Variants in TRPM3 observed in about 807,000 individuals in gnomAD.
The protein encoded by TRPM3 is long transient receptor potential channel 3.
A neutral mutation model predicts 181.2 loss-of-function variants in TRPM3; 77 were observed. The ratio of observed to expected loss-of-function variants is 0.42; its 90% confidence interval spans 0.35 to 0.51. The LOEUF (loss-of-function observed/expected upper bound fraction) is 0.51. TRPM3 is among the 20% of genes least tolerant of loss of function. TRPM3 has a pLI of 0.01. For synonymous variants in TRPM3, 745 were observed against 796.4 expected (o/e 0.94, Z 1.09); for missense variants, 1,759 against 2,196.7 (o/e 0.80, Z 3.98).
chr9:71,139,010 C>T (rs183311467), intron 1 of TRPM3, among the ~76,000 whole-genome samples: 2 of 152,260 alleles, frequency 1.3e-5, no homozygotes, highest in East Asian at 1.9e-4. Flanking sequence ...GGTAGCATAA[C>T]TTACTTGTCT....
At chr9:71,195,967 AG>A (rs1442637399) in intron 1 of TRPM3, among the ~76,000 whole-genome samples, 1 of 151,642 alleles carries the variant, frequency 6.6e-6, no homozygotes, top group Non-Finnish European at 1.5e-5. Context: ...GAGGATGGAG[AG>A]GAGCCACCCT....
At chr9:71,242,977 T>A (rs1421691002) in intron 1 of TRPM3, among the ~76,000 whole-genome samples, 2 of 152,198 alleles carry the variant, frequency 1.3e-5, no homozygotes, top group Non-Finnish European at 2.9e-5. Flanking sequence ...TTGAAATCAC[T>A]GTCCCCAGTG....
In TRPM3 at chr9:71,164,386, T is replaced by C. The variant is rs866425639; in HGVS notation, c.183+282267A>G. Among the ~76,000 whole-genome samples the C allele has an allele frequency of 1.2e-4, 18 of 152,204 alleles. 1 individual carries two copies. The Middle Eastern group carries it at 0.01, about 86-fold the overall frequency. On this transcript the variant is annotated intron_variant, in intron 1 of 24. Coordinates refer to the TRPM3 transcript ENST00000357533. ...CAATGGCAGTGTCACAAGAGTTGAG[T>C]TTACCCCAGATAGTCACTGTTAGAG... is the stretch of plus-strand genomic sequence containing the variant.
chr9:70,548,843 T>G (rs928150743), intron 25 of TRPM3, among the ~76,000 whole-genome samples: 8 of 49,440 alleles, frequency 1.6e-4, no homozygotes, highest in Admixed American at 5.7e-4. Context: ...TTTGAAGATC[T>G]TGTGCTCTCT....
chr9:71,070,486 G>T (rs1366569754), intron 1 of TRPM3, among the ~76,000 whole-genome samples: 2 of 151,852 alleles, frequency 1.3e-5, no homozygotes, highest in Non-Finnish European at 2.9e-5. Flanking sequence ...AATTCTCTTG[G>T]GCCAGATTTC....
intron 1 of TRPM3, among the ~76,000 whole-genome samples, chr9:71,219,516 C>T (rs2080103217): frequency 6.6e-6 from 1 of 152,094 alleles, no homozygotes; most frequent in Non-Finnish European, 1.5e-5. Context: ...TAAAATTGTC[C>T]TGAACTCAGA....
chr9:70,632,180 T>C (rs560950901), intron 12 of TRPM3, among the ~76,000 whole-genome samples: 2 of 152,326 alleles, frequency 1.3e-5, no homozygotes, highest in South Asian at 4.1e-4. Flanking sequence ...GCATTTTAAC[T>C]CTAGTTTTGT....
At chr9:70,932,398 C>A (rs994888804) in intron 1 of TRPM3, among the ~76,000 whole-genome samples, 1 of 152,186 alleles carries the variant, frequency 6.6e-6, no homozygotes, top group East Asian at 1.9e-4. Flanking sequence ...CTGTACTACT[C>A]ACTGGGAATA....
chr9:70,812,746 T>C (rs2092248474), intron 6 of TRPM3, among the ~76,000 whole-genome samples: 1 of 152,214 alleles, frequency 6.6e-6, no homozygotes, highest in Non-Finnish European at 1.5e-5. Flanking sequence ...GTGAATGGCA[T>C]GCTGGTATTT....
chr9:70,998,984 A>C (rs1265675441), intron 1 of TRPM3, among the ~76,000 whole-genome samples: 1 of 152,146 alleles, frequency 6.6e-6, no homozygotes, highest in Non-Finnish European at 1.5e-5. Context: ...CAGACTTACC[A>C]AGCATGGTTC....
chr9:70,620,453 G>T, intron 15 of TRPM3, 88 bp from the exon 16 acceptor site: 2 of 1,404,896 alleles, frequency 1.4e-6, no homozygotes, highest in Non-Finnish European at 2.0e-6. Flanking sequence ...CTCCCAGCTA[G>T]CTCTGGGATC....
intron 1 of TRPM3, among the ~76,000 whole-genome samples, chr9:71,057,045 G>C: frequency 6.6e-6 from 1 of 152,014 alleles, no homozygotes; most frequent in Non-Finnish European, 1.5e-5. Flanking sequence ...TAGGGAAAGA[G>C]GATAAAAGAT....
intron 1 of TRPM3, among the ~76,000 whole-genome samples, chr9:71,040,726 A>T (rs998712565): frequency 1.3e-5 from 2 of 152,190 alleles, no homozygotes; most frequent in African/African-American, 4.8e-5. Flanking sequence ...ATGAAAACTG[A>T]CATCAGCAGG....
chr9:70,739,774 T>G (rs143718568), intron 8 of TRPM3, among the ~76,000 whole-genome samples: 1 of 152,020 alleles, frequency 6.6e-6, no homozygotes, highest in African/African-American at 2.4e-5. Context: ...CCTGCCACCA[T>G]GTCTGGTAAA....
chr9:70,779,171 C>T (rs1377901375), intron 7 of TRPM3, among the ~76,000 whole-genome samples: 1 of 152,134 alleles, frequency 6.6e-6, no homozygotes, highest in East Asian at 1.9e-4. Context: ...AGCCATTGCT[C>T]ATTTATTCTT....
chr9:70,539,389 C>A (rs1408646801), intron 25 of TRPM3, among the ~76,000 whole-genome samples: 1 of 152,068 alleles, frequency 6.6e-6, no homozygotes, highest in African/African-American at 2.4e-5. Context: ...CTCTCAGGAC[C>A]CCCCACCCCG....
chr9:70,908,575 G>A (rs2096497958), intron 1 of TRPM3, among the ~76,000 whole-genome samples: 1 of 152,198 alleles, frequency 6.6e-6, no homozygotes, highest in Non-Finnish European at 1.5e-5. Context: ...GCATATTCAT[G>A]GATTCCAAGA....
At chr9:71,227,578 A>G (rs1293617545) in intron 1 of TRPM3, among the ~76,000 whole-genome samples, 1 of 152,092 alleles carries the variant, frequency 6.6e-6, no homozygotes, top group African/African-American at 2.4e-5. Context: ...AACAAAATTG[A>G]CAAACCTTTA....
At chr9:70,883,274 T>C (rs1468161680) in intron 1 of TRPM3, among the ~76,000 whole-genome samples, 3 of 152,202 alleles carry the variant, frequency 2.0e-5, no homozygotes, top group African/African-American at 4.8e-5. Flanking sequence ...CTTTTGACTT[T>C]TGCATTTCCC....
Sources: allele counts gnomAD v4.1 joint callset (sites outside exome capture counted in the v4.1 genomes callset), GRCh38; gene constraint gnomAD v4.1.1; transcripts MANE v1.5; gene names NCBI Gene and HGNC (gene_info 2026-07-23, HGNC 2026-07-21).